The following SLC5A9 variants were observed in gnomAD, a reference collection of about 807,000 sequenced individuals.
The protein encoded by SLC5A9 is solute carrier family 5 member 9, also known as sodium/glucose cotransporter 4.
Under a neutral mutation model 70.9 loss-of-function variants are expected in SLC5A9, and 59 were observed. The ratio of observed to expected loss-of-function variants is 0.83; its 90% CI spans 0.68 to 1.03. The LOEUF is 1.03. Ranked by LOEUF, SLC5A9 falls within the 50% of genes least tolerant of loss-of-function variation. The pLI is 0.00. For missense variants in SLC5A9, 832 were observed against 881.1 expected (o/e 0.94, Z 0.71); for synonymous variants, 340 against 346.5 (o/e 0.98, Z 0.21).
At position 48,233,649 on chromosome 1, in the gene SLC5A9, C is replaced by T. The variant is rs952945305; in HGVS notation, c.1034-6C>T. On this transcript the variant is annotated splice_region_variant and splice_polypyrimidine_tract_variant and intron_variant, in intron 8 of 13. Transcript: ENST00000438567. ...CGGACTCTAACTGCCATTACTTCTTCCACAGACGAGGTGGGCTGCGTGGAC... is the reference window on the plus strand; with the variant it reads ...CGGACTCTAACTGCCATTACTTCTTTCACAGACGAGGTGGGCTGCGTGGAC... 1 of 1,612,978 alleles carries T rather than the reference C, an allele frequency of 6.2e-7. No individual in the cohort carries two copies. The highest frequency in any genetic ancestry group is 1.1e-5 in the South Asian group (1 of 90,960).
chr1:48,224,550 G>C (rs1236525110), intron 1 of SLC5A9, among the ~76,000 whole-genome samples, 174 bp from the exon 2 acceptor site: 1 of 152,178 alleles, frequency 6.6e-6, no homozygotes, highest in Non-Finnish European at 1.5e-5. Context: ...ACTCTGCCAA[G>C]ATACATCGCT....
chr1:48,231,382 G>A (rs1021952702), intron 5 of SLC5A9, among the ~76,000 whole-genome samples, 163 bp from the exon 6 acceptor site: 2 of 152,226 alleles, frequency 1.3e-5, no homozygotes, highest in Admixed American at 6.5e-5. Flanking sequence ...CGGGGAGGGA[G>A]AGAGGGGAAC....
intron 8 of SLC5A9, among the ~76,000 whole-genome samples, chr1:48,233,354 C>G (rs1424036576): frequency 6.0e-5 from 6 of 99,704 alleles, no homozygotes; most frequent in Non-Finnish European, 1.2e-4. Flanking sequence ...GAGCGTGACT[C>G]CATCTCAAAA....
intron 10 of SLC5A9, among the ~76,000 whole-genome samples, chr1:48,237,083 GAA>G (rs1413653596): frequency 6.6e-6 from 1 of 152,126 alleles, no homozygotes; most frequent in African/African-American, 2.4e-5. Context: ...ACACATCCAA[GAA>G]AAGTTTTTCA....
At position 48,230,626 on chromosome 1, in the gene SLC5A9, C is replaced by CAT. The variant is rs772252543; in HGVS notation, c.532_533dup (p.Gln179SerfsTer19). 1 of 1,614,046 alleles carries CAT rather than the reference C, an allele frequency of 6.2e-7. No individual in the cohort carries two copies. Among genetic ancestry groups the CAT allele is most frequent in the Non-Finnish European group, 8.5e-7 (1 of 1,179,958 alleles). ...CTGACATCTTCTCTGGAGCCCTCTT[C>CAT]ATCCAGATGGCATTGGGCTGGAACC... is the stretch of plus-strand genomic sequence containing the variant. On this transcript the variant is annotated frameshift_variant, in exon 5 of 14. Coordinates refer to ENST00000438567, the MANE Select transcript of SLC5A9 (RefSeq NM_001011547.3). LOFTEE classifies it high-confidence loss of function.
intron 1 of SLC5A9, 98 bp downstream of exon 1, chr1:48,222,996 G>C: frequency 7.8e-7 from 1 of 1,285,702 alleles, no homozygotes; most frequent in East Asian, 2.5e-5. Context: ...GCAGAAAGAA[G>C]CAGATCATAG....
At chr1:48,227,915 A>G (rs1345699469) in intron 2 of SLC5A9, 1 of 152,268 alleles carries the variant, frequency 6.6e-6, no homozygotes, top group African/African-American at 2.4e-5. Context: ...CTGTGGTGAC[A>G]TAGTATACAA....
Position 48,233,705 on chromosome 1 carries a change from C to A in SLC5A9, c.1084C>A (p.Arg362=). The A allele has an allele frequency of 6.2e-7, 1 of 1,614,068 alleles. No individual in the cohort carries two copies. The highest frequency in any genetic ancestry group is 8.5e-7 in the Non-Finnish European group (1 of 1,180,020). Reference sequence around the variant, plus strand: ...TGTCTGCCAAAGAATCTGTGGGGCCCGAGTGGGATGTTCCAACATTGCCTA... The same window carrying A: ...TGTCTGCCAAAGAATCTGTGGGGCCAGAGTGGGATGTTCCAACATTGCCTA... ...PDVCQRICGA[R]VGCSNIAYPK... Residue 362 remains arginine (R), a synonymous_variant, in exon 9 of 14, where the codon CGA becomes AGA. Transcript: ENST00000438567.
intron 13 of SLC5A9, among the ~76,000 whole-genome samples, chr1:48,245,980 TA>T (rs1416495026): frequency 1.3e-5 from 2 of 150,480 alleles, no homozygotes. Context: ...ATATAATATA[TA>T]AAATATATAT....
chr1:48,230,800 T>C, intron 5 of SLC5A9, 95 bp downstream of exon 5: 3 of 914,544 alleles, frequency 3.3e-6, no homozygotes, highest in Non-Finnish European at 1.7e-6. Context: ...AGAGACAGAG[T>C]GACAGAAAGC....
At chr1:48,228,615 G>A in intron 2 of SLC5A9, 1 of 586,942 alleles carries the variant, frequency 1.7e-6, no homozygotes, top group Non-Finnish European at 2.8e-6. Flanking sequence ...TTTACTCACT[G>A]GGTGACCTGG....
intron 2 of SLC5A9, among the ~76,000 whole-genome samples, chr1:48,227,207 T>G (rs1488986983): frequency 7.4e-6 from 1 of 135,738 alleles, no homozygotes; most frequent in Non-Finnish European, 1.6e-5. Context: ...TGTGTGTGAG[T>G]GCATGTGTGT....
Position 48,222,811 on chromosome 1 carries a change from A to G in SLC5A9, c.75A>G (p.Ile25Met). ...TCAGGACTGAGACAGCTCCACACAT[A>G]GCACTGGACTCCAGAGTTGGTCTGC... is the stretch of plus-strand genomic sequence containing the variant. ...DGVRTETAPH[I>M]ALDSRVGLHA... Residue 25 changes from isoleucine to methionine, a missense_variant, in exon 1 of 14, where the codon ATA becomes ATG. Physicochemically the swap from Ile to Met is conservative, Grantham distance 10. Transcript: ENST00000438567. 6.2e-7 allele frequency: 1 copy of G among 1,614,214 alleles called. No homozygotes were observed. The highest frequency in any genetic ancestry group is 2.2e-5 in the East Asian group (1 of 44,882).
At chr1:48,244,709 C>A (rs1234435133) in intron 13 of SLC5A9, among the ~76,000 whole-genome samples, 1 of 87,534 alleles carries the variant, frequency 1.1e-5, no homozygotes, top group African/African-American at 4.0e-5. Context: ...TTTTGCTTTG[C>A]AAATATATAT....
intron 2 of SLC5A9, among the ~76,000 whole-genome samples, chr1:48,227,062 T>A (rs1391755855): frequency 6.6e-6 from 1 of 151,820 alleles, no homozygotes; most frequent in Non-Finnish European, 1.5e-5. Context: ...TGCGAATGTA[T>A]GTGCACGTGT....
At chr1:48,245,963 A>T (rs935180632) in intron 13 of SLC5A9, among the ~76,000 whole-genome samples, 1 of 151,068 alleles carries the variant, frequency 6.6e-6, no homozygotes, top group African/African-American at 2.4e-5. Context: ...CCTGTCTCAA[A>T]ATATATATAT....
At chr1:48,237,602 T>A in intron 10 of SLC5A9, 77 bp from the exon 11 acceptor site, 1 of 1,420,320 alleles carries the variant, frequency 7.0e-7, no homozygotes, top group Non-Finnish European at 9.7e-7. Context: ...CCTTCCTGGT[T>A]CCTGTGCATC....
chr1:48,232,229 C>T, intron 7 of SLC5A9, 78 bp downstream of exon 7: 1 of 1,559,750 alleles, frequency 6.4e-7, no homozygotes, highest in Non-Finnish European at 8.7e-7. Context: ...TGCCTGGATG[C>T]ATAGAGGGTT....
chr1:48,229,355 G>A lies in SLC5A9; in HGVS notation c.400G>A (p.Val134Met). 1.2e-6 allele frequency: 2 copies of A among 1,614,202 alleles called. No individual in the cohort carries two copies. The highest frequency in any genetic ancestry group is 1.7e-6 in the Non-Finnish European group (2 of 1,180,048). The change falls in exon 4 of 14, where the codon GTG becomes ATG. Residue 134 changes from valine to methionine, a missense_variant. Transcript: ENST00000438567. ...VFVPVYIAAG[V>M]VTMPQYLKKR... ...CGTCCCTGTGTACATCGCAGCAGGT[G>A]TGGTCACAATGCCGCAGTATCTGAA...
Sources: gnomAD v4.1 joint callset for allele counts (sites outside exome capture counted in the v4.1 genomes callset) on GRCh38, gnomAD v4.1.1 for gene constraint, MANE v1.5 for transcripts, NCBI Gene and HGNC (gene_info 2026-07-23, HGNC 2026-07-21) for gene names.